Variants in PLXNA4 observed in about 807,000 individuals in gnomAD.
PLXNA4 encodes plexin A4, also known as plexin-A4.
Under a neutral mutation model 191.8 loss-of-function variants are expected in PLXNA4, and 44 were observed. The ratio of observed to expected loss-of-function variants is 0.23; its 90% CI spans 0.18 to 0.29. PLXNA4 has a LOEUF of 0.29. Among genes scored for constraint, PLXNA4 ranks in the 10% least tolerant of loss-of-function variants. The pLI is 1.00. For synonymous variants in PLXNA4, 1,082 were observed against 1,009.5 expected, an observed-to-expected ratio of 1.07 and a Z score of -1.36; for missense variants, 1,800 against 2,488.8, an observed-to-expected ratio of 0.72 and a Z score of 5.89.
chr7:132,156,514 C>T (rs1370647837), intron 25 of PLXNA4, among the ~76,000 whole-genome samples: 3 of 152,136 alleles, frequency 2.0e-5, no homozygotes, highest in Admixed American at 6.5e-5. Context: ...GTGCTCCTGC[C>T]GTGCCAGGGG....
At chr7:132,617,694 C>A (rs1276599224) in intron 2 of PLXNA4, among the ~76,000 whole-genome samples, 1 of 152,104 alleles carries the variant, frequency 6.6e-6, no homozygotes, top group Non-Finnish European at 1.5e-5. Flanking sequence ...TCTGGTTGAT[C>A]CAAGGACTGC....
At chr7:132,364,458 CA>C (rs144683207) in intron 3 of PLXNA4, among the ~76,000 whole-genome samples, 3,031 of 152,302 alleles carry the variant, frequency 0.02, 99 homozygotes, top group African/African-American at 0.07. Context: ...AGCTCACAGA[CA>C]TTAAGAGGTT....
intron 10 of PLXNA4, among the ~76,000 whole-genome samples, chr7:132,205,673 G>A (rs1323082748): frequency 6.6e-6 from 1 of 152,142 alleles, no homozygotes; most frequent in East Asian, 1.9e-4. Flanking sequence ...TCTGAGCAGG[G>A]CTGGCTGTTT....
rs1412409039 is a variant in PLXNA4, at chr7:132,508,947, T to C, written c.-86-168A>G. ...CCCCCACCACGGGCATGTGACACAG[T>C]CAGAGCCGGGTGGCAGCAGCCCCAG... On this transcript the variant is annotated intron_variant, in intron 1 of 31. Transcript: ENST00000321063. This position sits in a 1 kb window ranked among gnomAD's most constrained non-coding sequence, Gnocchi z 4.4. Among the ~76,000 whole-genome samples the C allele has an allele frequency of 6.6e-6, 1 of 152,114 alleles. No homozygotes were observed. The highest frequency in any genetic ancestry group is 1.5e-5 in the Non-Finnish European group (1 of 68,022).
At position 132,132,428 on chromosome 7, in the gene PLXNA4, T is replaced by C. The variant is rs62469688; in HGVS notation, c.5589+621A>G. 4.2e-3 allele frequency among the ~76,000 whole-genome samples: 344 copies of C among 82,384 alleles called. 6 individuals carry two copies. The highest frequency in any genetic ancestry group is 0.023 in the East Asian group (69 of 2,970). 54.0% of individuals were successfully genotyped at this position (82,384 alleles called of 152,430 possible). A position where few individuals can be genotyped will look rare whatever the true frequency, so the allele number is the denominator to read the frequency against. The stretch of plus-strand genomic sequence containing the variant: ...TTCTGTTCTGTTCTGTTCTGTTCTG[T>C]TCTGTTCTGTTCTGTTCTGTTCTGT... On this transcript the variant is annotated intron_variant, in intron 31 of 31. Transcript: ENST00000321063.
intron 21 of PLXNA4, among the ~76,000 whole-genome samples, chr7:132,168,942 G>A (rs564131158): frequency 1.4e-4 from 21 of 152,296 alleles, no homozygotes; most frequent in African/African-American, 5.1e-4. Flanking sequence ...CAGGTGCCCA[G>A]GGCTGTCGTG....
chr7:132,149,359 T>G (rs190066921), intron 25 of PLXNA4, among the ~76,000 whole-genome samples: 59 of 152,334 alleles, frequency 3.9e-4, no homozygotes, highest in Non-Finnish European at 5.4e-4. Context: ...GGCTTACTGA[T>G]GGATCACACA....
intron 1 of PLXNA4, among the ~76,000 whole-genome samples, chr7:132,514,930 C>T (rs1024019157): frequency 2.6e-5 from 4 of 152,136 alleles, no homozygotes; most frequent in Non-Finnish European, 5.9e-5. Context: ...GTTGTTTTTG[C>T]TGTCATTCAT....
At position 132,133,011 on chromosome 7, in the gene PLXNA4, C is replaced by T. The variant is rs753826931; in HGVS notation, c.5589+38G>A. ...CAGGGTTGTCTTCATTCTCTTCCCC[C>T]TTCCATCCCAATGGGCCTGGAGCAG... On this transcript the variant is annotated intron_variant, in intron 31 of 31. Coordinates refer to ENST00000321063, the MANE Select transcript of PLXNA4 (RefSeq NM_020911.2). 31 of 1,599,148 alleles carry T rather than the reference C, an allele frequency of 1.9e-5. No individual in the cohort carries two copies. The Admixed American group carries it at 2.0e-4, about 10-fold the overall frequency.
At chr7:132,481,340 C>T (rs1797326700) in intron 3 of PLXNA4, among the ~76,000 whole-genome samples, 1 of 151,992 alleles carries the variant, frequency 6.6e-6, no homozygotes, top group South Asian at 2.1e-4. Flanking sequence ...CCACCTCCTC[C>T]CTCCATCAGG....
At chr7:132,262,899 C>T (rs779563265) in intron 4 of PLXNA4, among the ~76,000 whole-genome samples, 5 of 152,132 alleles carry the variant, frequency 3.3e-5, no homozygotes, top group Admixed American at 6.5e-5. Context: ...CACAACTCTG[C>T]GTAACACCAC....
At chr7:132,540,566 G>A (rs531654853) in intron 1 of PLXNA4, among the ~76,000 whole-genome samples, 25 of 49,596 alleles carry the variant, frequency 5.0e-4, no homozygotes, top group Admixed American at 6.9e-4. Context: ...AGTGTGGACC[G>A]TTCTTTTTTT....
At chr7:132,275,456 C>T (rs570052859) in intron 4 of PLXNA4, among the ~76,000 whole-genome samples, 34 of 152,246 alleles carry the variant, frequency 2.2e-4, no homozygotes, top group African/African-American at 6.5e-4. Flanking sequence ...TATTTCATCA[C>T]GACCATAAAA....
intron 3 of PLXNA4, among the ~76,000 whole-genome samples, chr7:132,430,414 G>T (rs1365202954): frequency 3.9e-5 from 6 of 152,078 alleles, no homozygotes; most frequent in African/African-American, 1.4e-4. Flanking sequence ...AGTAGCACAA[G>T]GCAGATCAAA....
chr7:132,537,214 A>G (rs1261934037), intron 1 of PLXNA4, among the ~76,000 whole-genome samples: 1 of 152,180 alleles, frequency 6.6e-6, no homozygotes, highest in African/African-American at 2.4e-5. Context: ...CAATGGGTCA[A>G]GCTACCCCAG....
At chr7:132,144,939 G>A (rs1292582063) in intron 29 of PLXNA4, among the ~76,000 whole-genome samples, 180 bp downstream of exon 29, 1 of 152,204 alleles carries the variant, frequency 6.6e-6, no homozygotes, top group Non-Finnish European at 1.5e-5. Flanking sequence ...GAGGGAGTGA[G>A]CACAAAAATC....
In PLXNA4 at chr7:132,198,782, C is replaced by T. The variant is rs139087326; in HGVS notation, c.2587-146G>A. ...AGTCACCAAGGGCACCCAAAGCCTG[C>T]GGTAATCAATGGGTAGTAGCTTCTA... On this transcript the variant is annotated intron_variant, in intron 12 of 31. Transcript: ENST00000321063. The T allele has an allele frequency of 5.6e-4, 715 of 1,274,416 alleles. 1 individual carries two copies. Among genetic ancestry groups the T allele is most frequent in the Non-Finnish European group, 6.6e-4 (619 of 944,682 alleles). The allele number at this position is 1,274,416 out of a possible 1,614,324, so 78.9% of individuals were successfully genotyped here.
intron 2 of PLXNA4, among the ~76,000 whole-genome samples, chr7:132,637,160 G>T (rs931754806): frequency 6.6e-6 from 1 of 152,056 alleles, no homozygotes; most frequent in Non-Finnish European, 1.5e-5. Context: ...CTCTTTTTCT[G>T]TCTATCCCCT....
chr7:132,641,325 GT>G (rs1803739419), intron 2 of PLXNA4, among the ~76,000 whole-genome samples: 1 of 152,168 alleles, frequency 6.6e-6, no homozygotes, highest in Admixed American at 6.5e-5. Context: ...GGCAGCTTTG[GT>G]TTCTCCTGAG....
Sources: gnomAD v4.1 joint callset for allele counts (sites outside exome capture counted in the v4.1 genomes callset) on GRCh38, gnomAD v4.1.1 for gene constraint, Gnocchi (gnomAD v3.1) non-coding constraint, MANE v1.5 for transcripts, NCBI Gene and HGNC (gene_info 2026-07-23, HGNC 2026-07-21) for gene names.